Variants in ITGA9 observed in about 807,000 individuals in gnomAD.
The protein encoded by ITGA9 is integrin subunit alpha 9.
ITGA9 carries 56 observed loss-of-function variants against 127.8 expected under a neutral mutation model. The observed-to-expected ratio is 0.44, with a 90% confidence interval of 0.35 to 0.55. The LOEUF is 0.55. Ranked by LOEUF, ITGA9 falls within the 20% of genes least tolerant of loss-of-function variation. The pLI is 0.00. For missense variants in ITGA9, 1,196 were observed against 1,347.1 expected (o/e 0.89, Z 1.76); for synonymous variants, 508 against 514.5 (o/e 0.99, Z 0.17).
In ITGA9 at chr3:37,773,214, G is replaced by A. The variant is rs553135012; in HGVS notation, c.2542-4178G>A. ...GAGCAAGGAGGAACTCTGCTCCCAC[G>A]CCTGATTTTAATGAGGGATGGATGC... On this transcript the variant is annotated intron_variant, in intron 23 of 27. Coordinates refer to ENST00000264741, the MANE Select transcript of ITGA9 (RefSeq NM_002207.3). 3.9e-5 allele frequency among the ~76,000 whole-genome samples: 6 copies of A among 152,340 alleles called. No individual in the cohort carries two copies. The South Asian group carries it at 1.2e-3, about 32-fold the overall frequency.
intron 18 of ITGA9, among the ~76,000 whole-genome samples, chr3:37,702,325 G>A (rs925237525): frequency 6.6e-6 from 1 of 152,180 alleles, no homozygotes; most frequent in Admixed American, 6.5e-5. Context: ...CCTGTGTTTT[G>A]CACACTATGC....
intron 15 of ITGA9, among the ~76,000 whole-genome samples, chr3:37,554,203 G>A (rs941074889): frequency 6.6e-6 from 1 of 152,120 alleles, no homozygotes; most frequent in African/African-American, 2.4e-5. Flanking sequence ...CCAGTGAAGC[G>A]GGTTTGGGAG....
chr3:37,640,767 A>G (rs955095685), intron 16 of ITGA9, among the ~76,000 whole-genome samples: 1 of 152,182 alleles, frequency 6.6e-6, no homozygotes, highest in South Asian at 2.1e-4. Flanking sequence ...CTGTGCAGTG[A>G]GATCAGGGCC....
intron 18 of ITGA9, among the ~76,000 whole-genome samples, chr3:37,723,865 C>T (rs1701217702): frequency 6.6e-6 from 1 of 152,236 alleles, no homozygotes; most frequent in Non-Finnish European, 1.5e-5. Flanking sequence ...CCTTGACTCA[C>T]TAAGCAACCT....
chr3:37,684,924 G>A (rs147504925), intron 18 of ITGA9, among the ~76,000 whole-genome samples: 6 of 152,230 alleles, frequency 3.9e-5, no homozygotes, highest in Non-Finnish European at 8.8e-5. Context: ...CATCCCGAGT[G>A]TACCACCTCT....
chr3:37,455,666 C>CAAA (rs1698248196), intron 1 of ITGA9, among the ~76,000 whole-genome samples: 1 of 152,162 alleles, frequency 6.6e-6, no homozygotes, highest in Non-Finnish European at 1.5e-5. Flanking sequence ...TCTCTCTTCT[C>CAAA]GAAGAAATTA....
chr3:37,536,082 T>G (rs267550), intron 14 of ITGA9, among the ~76,000 whole-genome samples: 86,900 of 151,970 alleles, frequency 0.57, 25,336 homozygotes, highest in East Asian at 0.81. Context: ...CTGCACAGTT[T>G]GGAAGGTCAG....
chr3:37,474,715 G>A (rs197766), intron 3 of ITGA9, among the ~76,000 whole-genome samples: 102,980 of 152,076 alleles, frequency 0.68, 35,060 homozygotes, highest in Non-Finnish European at 0.7. Flanking sequence ...TTATAAAAGC[G>A]TAAGCTCAAG....
At chr3:37,689,299 A>G (rs904374137) in intron 18 of ITGA9, among the ~76,000 whole-genome samples, 1 of 152,238 alleles carries the variant, frequency 6.6e-6, no homozygotes. Context: ...AAGGCTGCTT[A>G]TAAAAACATG....
chr3:37,801,900 C>A (rs564645943), intron 26 of ITGA9, among the ~76,000 whole-genome samples: 1 of 152,290 alleles, frequency 6.6e-6, no homozygotes, highest in East Asian at 1.9e-4. Flanking sequence ...CACACACTCT[C>A]CTACCCCAGC....
At chr3:37,609,621 A>G (rs764263010) in intron 15 of ITGA9, among the ~76,000 whole-genome samples, 1 of 152,200 alleles carries the variant, frequency 6.6e-6, no homozygotes, top group Non-Finnish European at 1.5e-5. Context: ...TCCAAACTTA[A>G]TGATGTAAAA....
chr3:37,463,030 G>A (rs1341616743), intron 1 of ITGA9, among the ~76,000 whole-genome samples: 2 of 152,146 alleles, frequency 1.3e-5, no homozygotes, highest in Non-Finnish European at 2.9e-5. Flanking sequence ...CCATCTCAGG[G>A]CCTTCAGTAA....
At chr3:37,762,513 G>C (rs972583961) in intron 23 of ITGA9, among the ~76,000 whole-genome samples, 5 of 152,224 alleles carry the variant, frequency 3.3e-5, no homozygotes, top group Non-Finnish European at 5.9e-5. Context: ...AACTCCTAGA[G>C]AGAATAGATG....
chr3:37,778,882 T>G (rs958691545), intron 24 of ITGA9, among the ~76,000 whole-genome samples: 8 of 149,604 alleles, frequency 5.3e-5, no homozygotes, highest in South Asian at 2.1e-4. Flanking sequence ...GTTTTTTTTT[T>G]TTTTTTTTTT....
chr3:37,512,057 TTTCTTTCTTTCTTTCTTTCC>T lies in ITGA9; in HGVS notation c.898-1702_898-1683del, dbSNP rs1324991888. On this transcript the variant is annotated intron_variant, in intron 8 of 27. Transcript: ENST00000264741. ...CTTTCTTTCTTTCTTTCTTTCTTTC[TTTCTTTCTTTCTTTCTTTCC>T]TTCCTTCCTTCCTTCCTTCCTTCCT... Among the ~76,000 whole-genome samples the T allele has an allele frequency of 3.0e-3, 215 of 71,398 alleles. 16 individuals carry two copies. The highest frequency in any genetic ancestry group is 8.2e-3 in the African/African-American group (180 of 21,856). The allele number at this position is 71,398 out of a possible 152,430, so 46.8% of individuals were successfully genotyped here.
At chr3:37,725,905 A>G (rs1004065182) in intron 18 of ITGA9, among the ~76,000 whole-genome samples, 1 of 152,220 alleles carries the variant, frequency 6.6e-6, no homozygotes, top group Non-Finnish European at 1.5e-5. Flanking sequence ...TGGGACACTA[A>G]TGCCAAAGGT....
At chr3:37,637,276 T>C (rs1265644825) in intron 16 of ITGA9, among the ~76,000 whole-genome samples, 3 of 152,236 alleles carry the variant, frequency 2.0e-5, no homozygotes, top group African/African-American at 7.2e-5. Context: ...CATGGAATGT[T>C]CTTCCGTTTG....
intron 14 of ITGA9, among the ~76,000 whole-genome samples, chr3:37,536,319 C>T (rs1435754076): frequency 6.6e-6 from 1 of 152,150 alleles, no homozygotes; most frequent in African/African-American, 2.4e-5. Flanking sequence ...TGAGTGCCAG[C>T]CCTGGGCAGG....
At chr3:37,533,225 C>A in intron 13 of ITGA9, 89 bp from the exon 14 acceptor site, 1 of 1,201,822 alleles carries the variant, frequency 8.3e-7, no homozygotes, top group Non-Finnish European at 1.2e-6. Flanking sequence ...GGTTGAAGGC[C>A]TAGGATTTAT....
Sources: gnomAD v4.1 joint callset for allele counts (sites outside exome capture counted in the v4.1 genomes callset) on GRCh38, gnomAD v4.1.1 for gene constraint, MANE v1.5 for transcripts, NCBI Gene and HGNC (gene_info 2026-07-23, HGNC 2026-07-21) for gene names.